FGF12: variants seen among roughly 807,000 people sequenced by gnomAD.
The protein encoded by FGF12 is fibroblast growth factor 12B.
A neutral mutation model predicts 23.6 loss-of-function variants in FGF12; 14 were observed. The observed-to-expected ratio is 0.59, with a 90% CI of 0.39 to 0.93. The LOEUF (loss-of-function observed/expected upper bound fraction) is 0.93. FGF12 is among the 40% of genes least tolerant of loss of function. The pLI is 0.00. For synonymous variants in FGF12, 62 were observed against 77.3 expected (o/e 0.80, Z 1.04); for missense variants, 175 against 217.8 (o/e 0.80, Z 1.24).
chr3:192,727,461 G>GAT, intron 1 of FGF12, 23 bp downstream of exon 1: 1 of 687,682 alleles, frequency 1.5e-6, no homozygotes, highest in Non-Finnish European at 2.2e-6. Context: ...TGCCCGCTCA[G>GAT]ATTTTTTTTT....
chr3:192,166,269 C>A (rs147826571), intron 5 of FGF12, among the ~76,000 whole-genome samples: 5 of 152,258 alleles, frequency 3.3e-5, no homozygotes, highest in African/African-American at 1.2e-4. Context: ...ACATAGGAGG[C>A]AGAAGAGAAC....
intron 5 of FGF12, among the ~76,000 whole-genome samples, chr3:192,152,142 T>C (rs1356587498): frequency 2.1e-5 from 2 of 94,112 alleles, no homozygotes; most frequent in African/African-American, 8.0e-5. Flanking sequence ...TAGTTTGTAT[T>C]TCTGTGGGAT....
chr3:192,321,479 A>T (rs763999031), intron 4 of FGF12, among the ~76,000 whole-genome samples: 20 of 146,514 alleles, frequency 1.4e-4, no homozygotes, highest in Non-Finnish European at 2.2e-4. Context: ...TGATACCAAA[A>T]CCTGATAAAG....
chr3:192,448,368 C>A (rs1481292722), intron 2 of FGF12, among the ~76,000 whole-genome samples: 7 of 152,174 alleles, frequency 4.6e-5, no homozygotes, highest in Admixed American at 4.6e-4. Context: ...ACAACCAACT[C>A]TAAATCAATT....
In FGF12 at chr3:192,360,395, G is replaced by T; in HGVS notation, c.124+33C>A. ...ATACACTGGGCCCTACATTTGATTT[G>T]TAATCAGATTGTAAGAAGCTAATGT... On this transcript the variant is annotated intron_variant, in intron 3 of 5. Transcript: ENST00000445105. The surrounding 1 kb of genome is among the most constrained non-coding windows in gnomAD (Gnocchi z 4.3). The T allele has an allele frequency of 1.4e-6, 2 of 1,433,548 alleles. No individual in the cohort carries two copies. The highest frequency in any genetic ancestry group is 2.0e-6 in the Non-Finnish European group (2 of 1,016,082). 88.8% of individuals were successfully genotyped at this position (1,433,548 alleles called of 1,614,324 possible). A position where few individuals can be genotyped will look rare whatever the true frequency, so the allele number is the denominator to read the frequency against.
chr3:192,552,753 T>C (rs868062736), intron 2 of FGF12, among the ~76,000 whole-genome samples: 10 of 152,108 alleles, frequency 6.6e-5, no homozygotes, highest in African/African-American at 2.4e-4. Flanking sequence ...TAAGCAGATA[T>C]AGTAGTGTGC....
chr3:192,552,762 GCACCTGTAA>G (rs973092968), intron 2 of FGF12, among the ~76,000 whole-genome samples: 3 of 151,990 alleles, frequency 2.0e-5, no homozygotes, highest in African/African-American at 7.2e-5. Context: ...ATAGTAGTGT[GCACCTGTAA>G]CACCAGCTAC....
intron 4 of FGF12, among the ~76,000 whole-genome samples, chr3:192,331,801 AT>A (rs1192538965): frequency 2.0e-5 from 3 of 152,100 alleles, no homozygotes; most frequent in African/African-American, 7.2e-5. Context: ...TATTAAACTG[AT>A]GAGAAACTTC....
chr3:192,507,478 G>A (rs562785737), intron 2 of FGF12, among the ~76,000 whole-genome samples: 3 of 152,050 alleles, frequency 2.0e-5, no homozygotes, highest in Admixed American at 6.5e-5. Flanking sequence ...ATCTTCACCT[G>A]GGGAAGTCTC....
chr3:192,168,462 G>GGTAA (rs1715352373), intron 5 of FGF12, among the ~76,000 whole-genome samples: 1 of 152,108 alleles, frequency 6.6e-6, no homozygotes, highest in African/African-American at 2.4e-5. Flanking sequence ...TAGCCCTGAA[G>GGTAA]GTAAGTTTAA....
At chr3:192,305,330 G>A (rs1715562891) in intron 4 of FGF12, among the ~76,000 whole-genome samples, 1 of 151,832 alleles carries the variant, frequency 6.6e-6, no homozygotes, top group Admixed American at 6.6e-5. Flanking sequence ...AACTCAAAAA[G>A]CTAAATGTAA....
intron 3 of FGF12, among the ~76,000 whole-genome samples, chr3:192,350,777 A>G (rs1718184046): frequency 6.6e-6 from 1 of 152,190 alleles, no homozygotes; most frequent in African/African-American, 2.4e-5. Flanking sequence ...GTCATAGGAA[A>G]AAGGTCATTG....
intron 2 of FGF12, among the ~76,000 whole-genome samples, chr3:192,574,277 C>A (rs1237288801): frequency 1.3e-5 from 2 of 152,182 alleles, no homozygotes; most frequent in Admixed American, 1.3e-4. Flanking sequence ...CTGTACCATA[C>A]AGCAATTATT....
chr3:192,256,470 AT>A (rs1221389118), intron 4 of FGF12, among the ~76,000 whole-genome samples: 1 of 151,478 alleles, frequency 6.6e-6, no homozygotes, highest in Non-Finnish European at 1.5e-5. Flanking sequence ...AATTGTACAT[AT>A]TTTATATATT....
intron 3 of FGF12, among the ~76,000 whole-genome samples, chr3:192,342,497 G>A (rs552002470): frequency 2.0e-5 from 3 of 152,242 alleles, no homozygotes; most frequent in East Asian, 1.9e-4. Flanking sequence ...TCAGCAAGGC[G>A]TGGTGGCTCA....
chr3:192,369,524 C>T (rs975883306), intron 2 of FGF12, among the ~76,000 whole-genome samples: 4 of 152,142 alleles, frequency 2.6e-5, no homozygotes, highest in Non-Finnish European at 4.4e-5. Flanking sequence ...TTCCTCTTCA[C>T]CAAAGCAGTC....
At chr3:192,709,654 T>C (rs1718598428) in intron 2 of FGF12, among the ~76,000 whole-genome samples, 1 of 152,182 alleles carries the variant, frequency 6.6e-6, no homozygotes, top group Non-Finnish European at 1.5e-5. Context: ...AAGACTCTAT[T>C]ATGGTGCTGG....
intron 4 of FGF12, among the ~76,000 whole-genome samples, chr3:192,177,604 T>G (rs1252115314): frequency 1.3e-5 from 2 of 152,228 alleles, no homozygotes; most frequent in Non-Finnish European, 2.9e-5. Flanking sequence ...TCCTCCTTAC[T>G]GCTCTGGCTG....
chr3:192,369,448 G>A (rs1200226629), intron 2 of FGF12, among the ~76,000 whole-genome samples: 1 of 152,204 alleles, frequency 6.6e-6, no homozygotes, highest in Non-Finnish European at 1.5e-5. Context: ...CCTTGAGACA[G>A]GCAATCCTCA....
Sources: allele counts gnomAD v4.1 joint callset (sites outside exome capture counted in the v4.1 genomes callset), GRCh38; gene constraint gnomAD v4.1.1; non-coding constraint Gnocchi (gnomAD v3.1); transcripts MANE v1.5; gene names NCBI Gene and HGNC (gene_info 2026-07-23, HGNC 2026-07-21).